Variants in GPT2 observed in about 807,000 individuals in gnomAD.
The protein encoded by GPT2 is alanine aminotransferase 2.
GPT2 carries 30 observed loss-of-function variants against 56.9 expected under a neutral mutation model. The observed-to-expected ratio is 0.53, with a 90% CI of 0.39 to 0.72. GPT2 has a LOEUF of 0.72. GPT2 is among the 30% of genes least tolerant of loss of function. The probability of loss-of-function intolerance (pLI) is 0.00; values close to 1 mark genes in which losing one functional copy is unlikely to be tolerated. For synonymous variants in GPT2, 271 were observed against 283.1 expected, an observed-to-expected ratio of 0.96 and a Z score of 0.43; for missense variants, 542 against 703.4, an observed-to-expected ratio of 0.77 and a Z score of 2.60.
chr16:46,888,705 A>G (rs1486265471), intron 2 of GPT2, among the ~76,000 whole-genome samples: 3 of 152,084 alleles, frequency 2.0e-5, no homozygotes, highest in African/African-American at 7.2e-5. Context: ...GCTGGAATGC[A>G]GTGGCACAAT....
At chr16:46,894,849 T>C (rs1327934734) in intron 2 of GPT2, among the ~76,000 whole-genome samples, 1 of 152,070 alleles carries the variant, frequency 6.6e-6, no homozygotes, top group Non-Finnish European at 1.5e-5. Context: ...GTATTTTTAG[T>C]AGAGACGGGG....
intron 10 of GPT2, 97 bp from the exon 11 acceptor site, chr16:46,926,828 G>GGAGA: frequency 1.4e-6 from 1 of 737,626 alleles, no homozygotes; most frequent in South Asian, 2.4e-5. Flanking sequence ...CACTGCCGTG[G>GGAGA]GAGAGAGACC....
At chr16:46,908,035 G>A (rs1960970790) in intron 5 of GPT2, among the ~76,000 whole-genome samples, 2 of 150,816 alleles carry the variant, frequency 1.3e-5, no homozygotes, top group South Asian at 2.1e-4. Flanking sequence ...GGAGGTTTCA[G>A]TCCTGGGCTT....
At position 46,884,722 on chromosome 16, in the gene GPT2, C is replaced by T; in HGVS notation, c.7C>T (p.Arg3Trp). The T allele has an allele frequency of 7.2e-7, 1 of 1,379,546 alleles. No individual in the cohort carries two copies. Among genetic ancestry groups the T allele is most frequent in the Non-Finnish European group, 9.4e-7 (1 of 1,065,054 alleles). The allele number at this position is 1,379,546 out of a possible 1,614,324, so 85.5% of individuals were successfully genotyped here. MQ[R>W]AAALVRRGCG... ...TTCTCTCCGCAAGCGCGCGATGCAGCGGGCGGCGGCGCTGGTCCGGCGGGG... is the reference window on the plus strand; with the variant it reads ...TTCTCTCCGCAAGCGCGCGATGCAGTGGGCGGCGGCGCTGGTCCGGCGGGG... The change falls in exon 2 of 12, where the codon CGG becomes TGG. Residue 3 changes from arginine to tryptophan, a missense_variant. Physicochemically the swap from Arg to Trp is moderately radical, Grantham distance 101. Transcript: ENST00000340124.
chr16:46,894,477 C>T (rs1249712386), intron 2 of GPT2, among the ~76,000 whole-genome samples: 2 of 152,310 alleles, frequency 1.3e-5, no homozygotes, highest in East Asian at 1.9e-4. Context: ...GGATCGGGCC[C>T]GTCCCTTTGC....
intron 2 of GPT2, among the ~76,000 whole-genome samples, chr16:46,891,706 A>G (rs1459629032): frequency 6.6e-6 from 1 of 152,102 alleles, no homozygotes; most frequent in Non-Finnish European, 1.5e-5. Flanking sequence ...TGTAGTGTGT[A>G]ATAATCACAT....
chr16:46,901,441 C>T (rs376729005), intron 4 of GPT2, among the ~76,000 whole-genome samples: 4 of 152,308 alleles, frequency 2.6e-5, no homozygotes, highest in African/African-American at 9.6e-5. Flanking sequence ...TTCTCTCCCT[C>T]CCCTGCGGTG....
In GPT2 at chr16:46,929,730, C is replaced by G. The variant is rs1355996258; in HGVS notation, c.*733C>G. On this transcript the variant is annotated 3_prime_UTR_variant, in exon 12 of 12. Coordinates refer to ENST00000340124, the MANE Select transcript of GPT2 (RefSeq NM_133443.4). ...GGAATGAGGGGTTCCCTTGAACATG[C>G]GTAGGCTGGAACCCCGTCTGAGAGG... is the stretch of plus-strand genomic sequence containing the variant. 1 of 152,612 alleles carries G rather than the reference C, an allele frequency of 6.6e-6. No individual in the cohort carries two copies. The highest frequency in any genetic ancestry group is 3.4e-3 in the Middle Eastern group (1 of 294). 9.5% of individuals were successfully genotyped at this position (152,612 alleles called of 1,614,324 possible). A position where few individuals can be genotyped will look rare whatever the true frequency, so the allele number is the denominator to read the frequency against.
intron 4 of GPT2, among the ~76,000 whole-genome samples, chr16:46,905,142 C>T (rs1456695920): frequency 6.6e-6 from 1 of 151,926 alleles, no homozygotes; most frequent in African/African-American, 2.4e-5. Flanking sequence ...CTGCAACCTC[C>T]ACCTCCCGGG....
chr16:46,914,499 T>G (rs920682448), intron 6 of GPT2, among the ~76,000 whole-genome samples: 1 of 152,244 alleles, frequency 6.6e-6, no homozygotes, highest in East Asian at 1.9e-4. Flanking sequence ...ATTGTGCCAC[T>G]GCACTCCAGC....
chr16:46,919,710 G>A (rs1406666109), intron 8 of GPT2, among the ~76,000 whole-genome samples: 1 of 152,182 alleles, frequency 6.6e-6, no homozygotes, highest in African/African-American at 2.4e-5. Context: ...CTGTTGGAGG[G>A]GGTGTGGCCT....
chr16:46,886,462 G>A (rs576700580), intron 2 of GPT2, among the ~76,000 whole-genome samples: 18 of 152,334 alleles, frequency 1.2e-4, no homozygotes, highest in Admixed American at 7.2e-4. Flanking sequence ...TTGCCTTGAG[G>A]AATCTGACTG....
chr16:46,918,693 C>A lies in GPT2; in HGVS notation c.973C>A (p.Pro325Thr), dbSNP rs1567342092. The A allele has an allele frequency of 1.2e-6, 2 of 1,614,210 alleles. No individual in the cohort carries two copies. The part of the protein sequence containing the change: ...SFKKVLYEMG[P>T]EYSSNVELAS... ...CAAGAAGGTGCTGTACGAGATGGGGCCCGAGTACTCCAGCAACGTGGAGCT... is the reference window on the plus strand; with the variant it reads ...CAAGAAGGTGCTGTACGAGATGGGGACCGAGTACTCCAGCAACGTGGAGCT... The change falls in exon 8 of 12, where the codon CCC becomes ACC. Residue 325 changes from proline to threonine, a missense_variant. By Grantham distance (38) the Pro-to-Thr change is conservative (BLOSUM62 -1). Coordinates refer to ENST00000340124, the MANE Select transcript of GPT2 (RefSeq NM_133443.4).
intron 2 of GPT2, among the ~76,000 whole-genome samples, chr16:46,897,397 G>T (rs976016244): frequency 6.6e-6 from 1 of 152,074 alleles, no homozygotes; most frequent in Non-Finnish European, 1.5e-5. Context: ...ATGTGACCTT[G>T]AGGAAGTTTC....
At chr16:46,924,610 C>G in intron 10 of GPT2, 66 bp downstream of exon 10, 1 of 1,567,284 alleles carries the variant, frequency 6.4e-7, no homozygotes, top group Non-Finnish European at 8.7e-7. Context: ...GTTGGGGGCC[C>G]CTGCTTATCT....
chr16:46,898,066 C>T (rs1051799707), intron 3 of GPT2, among the ~76,000 whole-genome samples: 3 of 152,036 alleles, frequency 2.0e-5, no homozygotes, highest in South Asian at 2.1e-4. Flanking sequence ...TGGGAGGAGG[C>T]GTCGGGGGGC....
chr16:46,906,830 G>A lies in GPT2; in HGVS notation c.443-12G>A. 1 of 1,613,548 alleles carries A rather than the reference G, an allele frequency of 6.2e-7. No individual in the cohort carries two copies. ...TCCTGCCTCTGTTACTGTCTTGCCT[G>A]CTGTCTTACAGGGTCCTACAGTGCT... is the stretch of plus-strand genomic sequence containing the variant. On this transcript the variant is annotated splice_polypyrimidine_tract_variant and intron_variant, in intron 4 of 11. Transcript: ENST00000340124.
chr16:46,921,691 T>G (rs1961291340), intron 8 of GPT2, among the ~76,000 whole-genome samples: 1 of 152,172 alleles, frequency 6.6e-6, no homozygotes. Flanking sequence ...TGTCCTCAGC[T>G]TATTTTCATA....
chr16:46,915,859 C>T (rs547322929), intron 6 of GPT2: 3 of 150,012 alleles, frequency 2.0e-5, no homozygotes, highest in South Asian at 4.3e-4. Context: ...CATACACAGA[C>T]ACATACACCC....
Sources: gnomAD v4.1 joint callset for allele counts (sites outside exome capture counted in the v4.1 genomes callset) on GRCh38, gnomAD v4.1.1 for gene constraint, MANE v1.5 for transcripts, NCBI Gene and HGNC (gene_info 2026-07-23, HGNC 2026-07-21) for gene names.